POM121: variants seen among roughly 807,000 people sequenced by gnomAD.
POM121 encodes POM121 transmembrane nucleoporin.
Under a neutral mutation model 81.3 loss-of-function variants are expected in POM121, and 32 were observed. The ratio of observed to expected loss-of-function variants is 0.39; its 90% CI spans 0.30 to 0.53. POM121 has a LOEUF of 0.53. Ranked by LOEUF, POM121 falls within the 20% of genes least tolerant of loss-of-function variation. The probability of loss-of-function intolerance (pLI) is 0.66; values close to 1 mark genes in which losing one functional copy is unlikely to be tolerated. For missense variants in POM121, 1,138 were observed against 1,614.6 expected, an observed-to-expected ratio of 0.70 and a Z score of 5.06; for synonymous variants, 514 against 694.2, an observed-to-expected ratio of 0.74 and a Z score of 4.08.
chr7:72,909,393 C>T (rs546854330), intron 3 of POM121, among the ~76,000 whole-genome samples: 1 of 152,188 alleles, frequency 6.6e-6, no homozygotes, highest in Non-Finnish European at 1.5e-5. Flanking sequence ...AGTAATTTTT[C>T]TGGGTTCAGA....
chr7:72,928,529 GC>G, intron 4 of POM121, 64 bp downstream of exon 4: 1 of 1,555,220 alleles, frequency 6.4e-7, no homozygotes, highest in South Asian at 1.1e-5. Context: ...CAGAGCTGTT[GC>G]CCTATAGATT....
intron 11 of POM121, among the ~76,000 whole-genome samples, chr7:72,944,736 T>C (rs1797493972): frequency 6.6e-6 from 1 of 151,336 alleles, no homozygotes; most frequent in Admixed American, 6.6e-5. Context: ...CTACAGGAGA[T>C]TCGGGAGCCG....
intron 11 of POM121, among the ~76,000 whole-genome samples, chr7:72,944,559 C>G (rs1419404577): frequency 1.3e-5 from 2 of 152,160 alleles, no homozygotes; most frequent in African/African-American, 2.4e-5. Context: ...GCATGTGTTT[C>G]CCAGCGACAC....
chr7:72,886,498 G>A (rs1790735318), intron 1 of POM121, among the ~76,000 whole-genome samples: 1 of 152,084 alleles, frequency 6.6e-6, no homozygotes, highest in African/African-American at 2.4e-5. Context: ...AGAGATTTAA[G>A]TAATGAGAGA....
chr7:72,919,205 C>CTTTT (rs782471353), intron 4 of POM121, among the ~76,000 whole-genome samples: 2 of 111,354 alleles, frequency 1.8e-5, no homozygotes, highest in Admixed American at 9.6e-5. Flanking sequence ...CATGCCCAGC[C>CTTTT]TTTTTTTTTT....
downstream of POM121, chr7:72,948,874 C>T (rs1554504067): frequency 6.2e-7 from 1 of 1,607,174 alleles, no homozygotes; most frequent in South Asian, 1.1e-5. Context: ...CTCCACGACC[C>T]TGGCGCACGC....
At chr7:72,897,256 A>G (rs1792060422) in intron 3 of POM121, among the ~76,000 whole-genome samples, 1 of 152,182 alleles carries the variant, frequency 6.6e-6, no homozygotes, top group African/African-American at 2.4e-5. Flanking sequence ...ACTTTTTATA[A>G]GGTGGTTGAG....
At chr7:72,926,769 A>G in intron 2 of POM121, 33 bp from the exon 3 acceptor site, 2 of 1,607,146 alleles carry the variant, frequency 1.2e-6, no homozygotes, top group Non-Finnish European at 1.7e-6. Flanking sequence ...GAATTAAAAT[A>G]TCTTACAGCT....
At chr7:72,930,354 C>A (rs1795893050) in intron 5 of POM121, among the ~76,000 whole-genome samples, 1 of 152,222 alleles carries the variant, frequency 6.6e-6, no homozygotes, top group Non-Finnish European at 1.5e-5. Context: ...TTACTGATCA[C>A]CTTCTATCTG....
intron 4 of POM121, among the ~76,000 whole-genome samples, chr7:72,915,395 A>G (rs1794200812): frequency 6.6e-6 from 1 of 152,126 alleles, no homozygotes; most frequent in Non-Finnish European, 1.5e-5. Context: ...TTTGTTTTTG[A>G]GACGAGTCTC....
chr7:72,894,267 C>T (rs1417233060), intron 3 of POM121, among the ~76,000 whole-genome samples: 1 of 151,076 alleles, frequency 6.6e-6, no homozygotes, highest in Non-Finnish European at 1.5e-5. Flanking sequence ...GAGACTCTGT[C>T]TTAAAGAAAT....
intron 3 of POM121, among the ~76,000 whole-genome samples, chr7:72,900,921 T>G (rs184618815): frequency 1.3e-5 from 2 of 152,120 alleles, no homozygotes; most frequent in Non-Finnish European, 2.9e-5. Flanking sequence ...TATTATTGCT[T>G]CTTCTGTAAG....
chr7:72,937,017 G>A (rs1197845894), intron 5 of POM121, among the ~76,000 whole-genome samples: 1 of 151,926 alleles, frequency 6.6e-6, no homozygotes, highest in East Asian at 2.0e-4. Context: ...AGCACTTTTG[G>A]AGGCCAAGGC....
rs557117883 is a variant in POM121 at position 72,895,739 on chromosome 7, T to G, written c.-216+4629T>G. ...GTTCGAGACCACCCTGGCCAACCCG[T>G]CTCTACTAAATATAGAAAAATTAGC... On this transcript the variant is annotated intron_variant, in intron 3 of 15. Transcript: ENST00000395270. Among the ~76,000 whole-genome samples, 37 of 151,774 alleles carry G rather than the reference T, an allele frequency of 2.4e-4. No homozygotes were observed. The South Asian group carries it at 6.9e-3, about 28-fold the overall frequency.
At chr7:72,908,430 G>T (rs1793484831) in intron 3 of POM121, among the ~76,000 whole-genome samples, 3 of 152,148 alleles carry the variant, frequency 2.0e-5, no homozygotes, top group Admixed American at 1.3e-4. Flanking sequence ...ATATTACAAG[G>T]CAAATGGAGG....
rs1797603987 is a variant in POM121, at chr7:72,945,575, C to T, written c.3530-11C>T. 6.2e-7 allele frequency: 1 copy of T among 1,613,244 alleles called. No individual in the cohort carries two copies. The highest frequency in any genetic ancestry group is 1.3e-5 in the African/African-American group (1 of 74,898). Reference sequence around the variant, plus strand: ...TGCTCACTGGCCAGCTCTCTGTTCTCTTCATTCCAGGCACCGCCACCCCCA... The same window carrying T: ...TGCTCACTGGCCAGCTCTCTGTTCTTTTCATTCCAGGCACCGCCACCCCCA... On this transcript the variant is annotated splice_polypyrimidine_tract_variant and intron_variant, in intron 11 of 12. Coordinates refer to ENST00000434423, the MANE Select transcript of POM121 (RefSeq NM_001387691.1).
intron 1 of POM121, among the ~76,000 whole-genome samples, chr7:72,888,188 A>G (rs1185393417): frequency 6.6e-6 from 1 of 152,050 alleles, no homozygotes; most frequent in Non-Finnish European, 1.5e-5. Context: ...TCCATGTCCA[A>G]ATTTTTTTTT....
chr7:72,899,661 C>T (rs1402533953), intron 3 of POM121, among the ~76,000 whole-genome samples: 1 of 151,036 alleles, frequency 6.6e-6, no homozygotes, highest in East Asian at 2.0e-4. Flanking sequence ...TCACTGCAAG[C>T]TCCGCCTCCA....
rs563215467 is a variant in POM121 at position 72,926,847 on chromosome 7, C to T, written c.906C>T (p.Asn302=). 2.7e-5 allele frequency: 43 copies of T among 1,613,934 alleles called. No individual in the cohort carries two copies. Among genetic ancestry groups the T allele is most frequent in the South Asian group, 5.5e-5 (5 of 91,074 alleles). The part of the protein sequence containing the change: ...ISSTLSSPSS[N]APDPCAKETV... ...CAACACTGTCCTCACCATCAAGTAA[C>T]GCCCCAGACCCATGTGCAAAGGAGA... is the stretch of plus-strand genomic sequence containing the variant. The change falls in exon 3 of 13, where the codon AAC becomes AAT. Residue 302 remains asparagine, a synonymous_variant. Transcript: ENST00000434423.
Sources: allele counts gnomAD v4.1 joint callset (sites outside exome capture counted in the v4.1 genomes callset), GRCh38; gene constraint gnomAD v4.1.1; transcripts MANE v1.5; gene names NCBI Gene and HGNC (gene_info 2026-07-23, HGNC 2026-07-21).